Variants in RAD51B observed in about 807,000 individuals in gnomAD.
RAD51B encodes the protein DNA repair protein RAD51 homolog 2.
A neutral mutation model predicts 42.2 loss-of-function variants in RAD51B; 38 were observed. That is an observed-to-expected ratio of 0.90 (90% CI 0.70 to 1.18). The LOEUF is 1.18. RAD51B is among the 50% of genes most tolerant of loss of function. The pLI, the probability that RAD51B is intolerant of heterozygous loss-of-function variation, is 0.00. For missense variants in RAD51B, 373 were observed against 400.7 expected, an observed-to-expected ratio of 0.93 and a Z score of 0.59; for synonymous variants, 154 against 145.2, an observed-to-expected ratio of 1.06 and a Z score of -0.43.
chr14:68,464,310 C>G (rs2085920412), intron 9 of RAD51B, among the ~76,000 whole-genome samples: 1 of 152,178 alleles, frequency 6.6e-6, no homozygotes, highest in Non-Finnish European at 1.5e-5. Context: ...ATACTCTATT[C>G]AAAATTGATG....
At chr14:68,009,597 T>A (rs185755698) in intron 7 of RAD51B, among the ~76,000 whole-genome samples, 2 of 152,042 alleles carry the variant, frequency 1.3e-5, no homozygotes, top group East Asian at 3.9e-4. Flanking sequence ...TATTCGTTCC[T>A]TCTACTGGGA....
chr14:68,110,269 T>C (rs554621399), intron 7 of RAD51B, among the ~76,000 whole-genome samples: 7 of 151,976 alleles, frequency 4.6e-5, no homozygotes, highest in African/African-American at 1.7e-4. Flanking sequence ...AATGGTACAG[T>C]GAACATAAGA....
At chr14:68,214,115 G>T (rs1187399170) in intron 7 of RAD51B, among the ~76,000 whole-genome samples, 1 of 152,144 alleles carries the variant, frequency 6.6e-6, no homozygotes, top group Non-Finnish European at 1.5e-5. Flanking sequence ...GACAACTGTT[G>T]TTTGCAGGAG....
At chr14:68,587,700 G>A (rs563490944) in intron 10 of RAD51B, among the ~76,000 whole-genome samples, 4 of 152,068 alleles carry the variant, frequency 2.6e-5, no homozygotes, top group East Asian at 1.9e-4. Context: ...GAGCTGCACC[G>A]AAGCAGGCCT....
At chr14:68,485,798 G>T (rs1024275896) in intron 10 of RAD51B, among the ~76,000 whole-genome samples, 3 of 152,300 alleles carry the variant, frequency 2.0e-5, no homozygotes, top group African/African-American at 7.2e-5. Context: ...TTTGGATCAA[G>T]TTTTTGCCAA....
chr14:67,923,003 C>CT lies in RAD51B; in HGVS notation c.756+35805dup, dbSNP rs745837709. On this transcript the variant is annotated intron_variant, in intron 7 of 10. Transcript: ENST00000471583. The stretch of plus-strand genomic sequence containing the variant: ...ACTGCGCCCAGCCGTAATATGTGGT[C>CT]TTTTTTACCTCACCTGCCTCCTGCC... Among the ~76,000 whole-genome samples the CT allele has an allele frequency of 1.1e-4, 17 of 151,966 alleles. No homozygotes were observed. In the East Asian group the frequency reaches 1.2e-3, roughly 10 times the overall value.
chr14:67,839,359 AT>A (rs1227669072), intron 4 of RAD51B, among the ~76,000 whole-genome samples: 9 of 152,046 alleles, frequency 5.9e-5, no homozygotes, highest in African/African-American at 2.2e-4. Flanking sequence ...TCCTTTAATG[AT>A]TATAGGACTA....
intron 7 of RAD51B, among the ~76,000 whole-genome samples, chr14:68,145,143 G>T (rs997627014): frequency 1.3e-5 from 2 of 152,182 alleles, no homozygotes; most frequent in Non-Finnish European, 2.9e-5. Flanking sequence ...GAAAAAGCCT[G>T]CAGAAGGAAC....
chr14:68,283,414 CAG>C (rs2081357134), intron 7 of RAD51B, among the ~76,000 whole-genome samples: 1 of 152,216 alleles, frequency 6.6e-6, no homozygotes, highest in Non-Finnish European at 1.5e-5. Flanking sequence ...ATGTGAACCT[CAG>C]AGTCATCTGA....
intron 9 of RAD51B, among the ~76,000 whole-genome samples, chr14:68,432,521 C>A (rs2085036977): frequency 6.6e-6 from 1 of 152,170 alleles, no homozygotes; most frequent in Non-Finnish European, 1.5e-5. Context: ...TTCTTTGTCT[C>A]TTTTGATCTT....
At chr14:68,261,765 G>A (rs2139549402) in intron 7 of RAD51B, among the ~76,000 whole-genome samples, 1 of 151,220 alleles carries the variant, frequency 6.6e-6, no homozygotes, top group South Asian at 2.1e-4. Flanking sequence ...CCCAAAGTGA[G>A]CAGAACTGGG....
chr14:68,479,862 C>G (rs1461225697), downstream of RAD51B, among the ~76,000 whole-genome samples: 2 of 151,646 alleles, frequency 1.3e-5, no homozygotes, highest in African/African-American at 2.4e-5. Flanking sequence ...GAGACAGAGT[C>G]TCTACTGTGT....
intron 11 of RAD51B, among the ~76,000 whole-genome samples, chr14:68,656,450 T>C (rs1410130056): frequency 6.6e-6 from 1 of 152,124 alleles, no homozygotes; most frequent in African/African-American, 2.4e-5. Context: ...GACTGAGGCC[T>C]AACATGCAGG....
At chr14:68,162,587 C>T (rs2078664020) in intron 7 of RAD51B, among the ~76,000 whole-genome samples, 1 of 152,140 alleles carries the variant, frequency 6.6e-6, no homozygotes, top group East Asian at 1.9e-4. Context: ...AGATCGAGAC[C>T]ATCCTAGCTA....
rs1407714533 is a variant in RAD51B, at chr14:68,529,973, A to G, written c.1036+61723A>G. On this transcript the variant is annotated intron_variant, in intron 10 of 10. Transcript: ENST00000487270. ...AAGATAAAATACACAGATAGGATAA[A>G]TTCTAGACATGAAATAGATGAAGAT... 2.0e-5 allele frequency among the ~76,000 whole-genome samples: 3 copies of G among 152,248 alleles called. No homozygotes were observed. In the East Asian group the frequency reaches 5.8e-4, roughly 29 times the overall value.
chr14:68,157,802 G>A (rs1265260345), intron 7 of RAD51B, among the ~76,000 whole-genome samples: 2 of 152,132 alleles, frequency 1.3e-5, no homozygotes, highest in East Asian at 3.8e-4. Context: ...TTATTTATAT[G>A]TAGTTTGTCA....
At chr14:68,346,289 C>T (rs776100911) in intron 8 of RAD51B, among the ~76,000 whole-genome samples, 4 of 152,166 alleles carry the variant, frequency 2.6e-5, no homozygotes, top group Non-Finnish European at 5.9e-5. Context: ...GATATGATTT[C>T]CTAGCCTAGA....
chr14:67,875,714 C>G lies in RAD51B; in HGVS notation c.453-10155C>G, dbSNP rs745690831. ...AGTGAAATTGCCTAATGACACATTT[C>G]TCAGTACATATCCCCATTATTATGC... On this transcript the variant is annotated intron_variant, in intron 5 of 10. Coordinates refer to ENST00000471583, the MANE Select transcript of RAD51B (RefSeq NM_133510.4). 2.0e-5 allele frequency among the ~76,000 whole-genome samples: 3 copies of G among 152,112 alleles called. No individual in the cohort carries two copies. In the East Asian group the frequency reaches 5.8e-4, roughly 29 times the overall value.
intron 9 of RAD51B, among the ~76,000 whole-genome samples, chr14:68,435,492 G>GTTTTTTTT (rs35536205): frequency 7.8e-6 from 1 of 128,148 alleles, no homozygotes. Context: ...GTGGTTTTTG[G>GTTTTTTTT]TTTTTTTTTT....
Sources: allele counts gnomAD v4.1 joint callset (sites outside exome capture counted in the v4.1 genomes callset), GRCh38; gene constraint gnomAD v4.1.1; transcripts MANE v1.5; gene names NCBI Gene and HGNC (gene_info 2026-07-23, HGNC 2026-07-21).